ADARB2: variants seen among roughly 807,000 people sequenced by gnomAD.
ADARB2 encodes the protein adenosine deaminase RNA specific B2 (inactive).
ADARB2 carries 25 observed loss-of-function variants against 62.2 expected under a neutral mutation model. That is an observed-to-expected ratio of 0.40 (90% CI 0.29 to 0.56). The LOEUF (loss-of-function observed/expected upper bound fraction) is 0.56. ADARB2 is among the 20% of genes least tolerant of loss of function. The probability of loss-of-function intolerance (pLI) is 0.43; values close to 1 mark genes in which losing one functional copy is unlikely to be tolerated. For synonymous variants in ADARB2, 572 were observed against 500.8 expected (o/e 1.14, Z -1.90); for missense variants, 1,071 against 1,077.4 (o/e 0.99, Z 0.08).
chr10:1,712,127 C>T (rs1279303041), intron 1 of ADARB2, among the ~76,000 whole-genome samples: 3 of 152,084 alleles, frequency 2.0e-5, no homozygotes, highest in East Asian at 1.9e-4. Flanking sequence ...TGATAATGTT[C>T]GAAGCTGTAT....
At chr10:1,734,018 T>TC (rs397779921) in intron 1 of ADARB2, among the ~76,000 whole-genome samples, 2 of 149,410 alleles carry the variant, frequency 1.3e-5, no homozygotes, top group Non-Finnish European at 3.0e-5. Flanking sequence ...TTTTTTTTTT[T>TC]CAGCAGCTTG....
At chr10:1,286,952 G>GA (rs1167354382) in intron 3 of ADARB2, among the ~76,000 whole-genome samples, 16 of 152,030 alleles carry the variant, frequency 1.1e-4, no homozygotes, top group African/African-American at 7.2e-5. Flanking sequence ...CATTTTTTTA[G>GA]AAAAAATACA....
chr10:1,630,664 G>T (rs543076512), intron 1 of ADARB2, among the ~76,000 whole-genome samples: 100 of 152,272 alleles, frequency 6.6e-4, no homozygotes, highest in Non-Finnish European at 1.1e-3. Context: ...TTTATTAAAG[G>T]TCTATGTGCA....
At chr10:1,408,203 T>C (rs1471514157) in intron 1 of ADARB2, among the ~76,000 whole-genome samples, 1 of 152,222 alleles carries the variant, frequency 6.6e-6, no homozygotes, top group Non-Finnish European at 1.5e-5. Flanking sequence ...AATATTACAT[T>C]GTGAACATTT....
chr10:1,219,049 C>CAAAA (rs58282140), intron 6 of ADARB2, among the ~76,000 whole-genome samples: 1 of 103,584 alleles, frequency 9.7e-6, no homozygotes, highest in African/African-American at 3.6e-5. Flanking sequence ...GACTACGTCT[C>CAAAA]AAAAAAAAAA....
At chr10:1,393,207 T>C (rs1832585203) in intron 1 of ADARB2, among the ~76,000 whole-genome samples, 1 of 152,240 alleles carries the variant, frequency 6.6e-6, no homozygotes, top group Non-Finnish European at 1.5e-5. Context: ...TTAAAATGTT[T>C]CTAGTATTTT....
rs147371158 is a variant in ADARB2, at chr10:1,492,384, G to A, written c.101-113224C>T. Among the ~76,000 whole-genome samples the A allele has an allele frequency of 4.4e-3, 668 of 152,270 alleles. 5 individuals are homozygous for A. Among genetic ancestry groups the A allele is most frequent in the African/African-American group, 0.015 (641 of 41,556 alleles). On this transcript the variant is annotated intron_variant, in intron 1 of 9. Coordinates refer to ENST00000381312, the MANE Select transcript of ADARB2 (RefSeq NM_018702.4). ...TGCGGTAGAGTGGGTCCATGGTCCA[G>A]TATGTTGGTGTCCTTATCAAAGAGA...
At position 1,591,675 on chromosome 10, in the gene ADARB2, ACACG is replaced by A. The variant is rs1554774089; in HGVS notation, c.100+145372_100+145375del. The stretch of plus-strand genomic sequence containing the variant: ...GGCGTGCACGCACACACACACACAC[ACACG>A]CACACACTCACCAGGACCCCCCCAC... On this transcript the variant is annotated intron_variant, in intron 1 of 9. Coordinates refer to ENST00000381312, the MANE Select transcript of ADARB2 (RefSeq NM_018702.4). Among the ~76,000 whole-genome samples, 262 of 151,682 alleles carry A rather than the reference ACACG, an allele frequency of 1.7e-3. 5 individuals are homozygous for A. In the East Asian group the frequency reaches 0.049, roughly 28 times the overall value.
intron 1 of ADARB2, among the ~76,000 whole-genome samples, chr10:1,433,607 G>T (rs1830798735): frequency 6.6e-6 from 1 of 152,142 alleles, no homozygotes; most frequent in African/African-American, 2.4e-5. Context: ...GGGTGGAGCA[G>T]GGATTCGATC....
At chr10:1,465,429 A>G (rs1286273772) in intron 1 of ADARB2, among the ~76,000 whole-genome samples, 1 of 152,206 alleles carries the variant, frequency 6.6e-6, no homozygotes, top group Non-Finnish European at 1.5e-5. Context: ...GTTGGAAAAC[A>G]TCGAAGGAGT....
chr10:1,556,674 C>A (rs371121629), intron 1 of ADARB2: 2 of 534,434 alleles, frequency 3.7e-6, no homozygotes, highest in Middle Eastern at 3.2e-4. Flanking sequence ...CCGGCTGCAA[C>A]CAGAGCTCAG....
At chr10:1,488,810 G>A (rs542225864) in intron 1 of ADARB2, among the ~76,000 whole-genome samples, 12 of 151,876 alleles carry the variant, frequency 7.9e-5, no homozygotes, top group African/African-American at 2.9e-4. Context: ...GGGGGAAAAC[G>A]CTCGCATATC....
rs201583600 is a variant in ADARB2 at position 1,439,208 on chromosome 10, TG to T, written c.101-60049del. 4.6e-3 allele frequency among the ~76,000 whole-genome samples: 533 copies of T among 115,080 alleles called. 43 individuals carry two copies. The highest frequency in any genetic ancestry group is 0.023 in the African/African-American group (504 of 22,102). The allele number at this position is 115,080 out of a possible 152,430, so 75.5% of individuals were successfully genotyped here. A position where few individuals can be genotyped will look rare whatever the true frequency, so the allele number is the denominator to read the frequency against. On this transcript the variant is annotated intron_variant, in intron 1 of 9. Transcript: ENST00000381312. ...GCAGATGGAGGCAGGTTCTTCACTA[TG>T]GGACTCCTGAGTCTCTCCCAGGATG...
intron 1 of ADARB2, among the ~76,000 whole-genome samples, chr10:1,625,169 C>T (rs1471523169): frequency 6.6e-6 from 1 of 152,206 alleles, no homozygotes; most frequent in African/African-American, 2.4e-5. Flanking sequence ...GACATTTTTC[C>T]AGCCTGTTTT....
intron 6 of ADARB2, among the ~76,000 whole-genome samples, chr10:1,226,599 C>A (rs1398619503): frequency 6.6e-6 from 1 of 152,128 alleles, no homozygotes; most frequent in Non-Finnish European, 1.5e-5. Flanking sequence ...GTGTGGATGT[C>A]CTTTCTGTTT....
chr10:1,564,001 G>T, intron 1 of ADARB2, among the ~76,000 whole-genome samples: 1 of 150,202 alleles, frequency 6.7e-6, no homozygotes, highest in Non-Finnish European at 1.5e-5. Flanking sequence ...TGGTGTATAT[G>T]TGCCACATTT....
At chr10:1,561,422 C>T (rs1832785364) in intron 1 of ADARB2, among the ~76,000 whole-genome samples, 1 of 152,218 alleles carries the variant, frequency 6.6e-6, no homozygotes, top group South Asian at 2.1e-4. Flanking sequence ...CAGCATTCAA[C>T]ATATTCTTCA....
chr10:1,510,744 G>A (rs1831926326), intron 1 of ADARB2, among the ~76,000 whole-genome samples: 1 of 151,974 alleles, frequency 6.6e-6, no homozygotes, highest in Non-Finnish European at 1.5e-5. Flanking sequence ...ACCCCCTACA[G>A]TCCCTTCTTC....
At chr10:1,407,396 G>T (rs1011407541) in intron 1 of ADARB2, among the ~76,000 whole-genome samples, 6 of 152,202 alleles carry the variant, frequency 3.9e-5, no homozygotes, top group African/African-American at 1.4e-4. Context: ...TACAACGGCC[G>T]GGGTGGGGTC....
Sources: gnomAD v4.1 joint callset for allele counts (sites outside exome capture counted in the v4.1 genomes callset) on GRCh38, gnomAD v4.1.1 for gene constraint, MANE v1.5 for transcripts, NCBI Gene and HGNC (gene_info 2026-07-23, HGNC 2026-07-21) for gene names.